TLN2: variants seen among roughly 807,000 people sequenced by gnomAD.
TLN2 encodes the protein talin 2, also known as talin-2.
A neutral mutation model predicts 294.7 loss-of-function variants in TLN2; 118 were observed. That is an observed-to-expected ratio of 0.40 (90% CI 0.34 to 0.47). The LOEUF is 0.47. Ranked by LOEUF, TLN2 falls within the 20% of genes least tolerant of loss-of-function variation. The pLI, the probability that TLN2 is intolerant of heterozygous loss-of-function variation, is 0.84. For synonymous variants in TLN2, 1,431 were observed against 1,304.5 expected, an observed-to-expected ratio of 1.10 and a Z score of -2.09; for missense variants, 3,083 against 3,282.2, an observed-to-expected ratio of 0.94 and a Z score of 1.48.
chr15:62,464,748 G>A (rs916600063), intron 1 of TLN2, among the ~76,000 whole-genome samples: 5 of 151,910 alleles, frequency 3.3e-5, no homozygotes, highest in African/African-American at 4.8e-5. Flanking sequence ...GCCAGCTATC[G>A]GGCATTCTTG....
chr15:62,696,851 A>T lies in TLN2; in HGVS notation c.1293-837A>T, dbSNP rs112811723. On this transcript the variant is annotated intron_variant, in intron 14 of 58. Transcript: ENST00000636159. Reference sequence around the variant, plus strand: ...AGGCGATGAAACATCCTCTGTGGTCAATGGTGGTGGACCTGAGGACCCGAG... The same window carrying T: ...AGGCGATGAAACATCCTCTGTGGTCTATGGTGGTGGACCTGAGGACCCGAG... Among the ~76,000 whole-genome samples the T allele has an allele frequency of 2.0e-5, 3 of 152,326 alleles. 1 individual carries two copies. The highest frequency in any genetic ancestry group is 7.2e-5 in the African/African-American group (3 of 41,572).
chr15:62,698,872 A>T lies in TLN2; in HGVS notation c.1587+5A>T, dbSNP rs1468894959. ...CCACCTCTCGGCCAGGATATGGTAA[A>T]TACTGTTCAGTGGTTTTCATGCCAA... On this transcript the variant is annotated splice_donor_5th_base_variant and intron_variant, in intron 16 of 58. Transcript: ENST00000636159. 6.2e-7 allele frequency: 1 copy of T among 1,611,294 alleles called. No homozygotes were observed.
intron 25 of TLN2, among the ~76,000 whole-genome samples, chr15:62,721,501 TATTC>T (rs1287657358): frequency 3.3e-5 from 5 of 152,112 alleles, no homozygotes; most frequent in African/African-American, 1.2e-4. Context: ...CTTTTATAAA[TATTC>T]ATTAATTCTT....
In TLN2 at chr15:62,712,043, C is replaced by G. The variant is rs2059459867; in HGVS notation, c.2600C>G (p.Ala867Gly). 6.2e-7 allele frequency: 1 copy of G among 1,614,174 alleles called. No homozygotes were observed. The highest frequency in any genetic ancestry group is 8.5e-7 in the Non-Finnish European group (1 of 1,180,024). ...KKLLAAAKLL[A>G]DSTARMVEAA... The stretch of plus-strand genomic sequence containing the variant: ...CTCCTGGCAGCAGCAAAACTCTTAG[C>G]TGACTCCACTGCTCGCATGGTGGAA... Residue 867 changes from alanine (A) to glycine (G), a missense_variant, in exon 22 of 59, where the codon GCT becomes GGT. Ala to Gly is a moderately conservative substitution (Grantham distance 60, BLOSUM62 0). Coordinates refer to ENST00000636159, the MANE Select transcript of TLN2 (RefSeq NM_015059.3).
At chr15:62,559,313 A>G (rs905786745) in intron 1 of TLN2, among the ~76,000 whole-genome samples, 1 of 152,182 alleles carries the variant, frequency 6.6e-6, no homozygotes, top group African/African-American at 2.4e-5. Flanking sequence ...CTACAATCTA[A>G]GTAACTGAGG....
intron 57 of TLN2, among the ~76,000 whole-genome samples, chr15:62,837,107 A>G (rs555073519): frequency 2.0e-5 from 3 of 152,354 alleles, no homozygotes; most frequent in South Asian, 2.1e-4. Context: ...GTATGTTTAC[A>G]TCAGTCATGT....
At chr15:62,464,362 G>T (rs1317341887) in intron 1 of TLN2, among the ~76,000 whole-genome samples, 3 of 152,130 alleles carry the variant, frequency 2.0e-5, no homozygotes, top group African/African-American at 7.2e-5. Context: ...TCATAGGTGG[G>T]AATTGAACAA....
intron 26 of TLN2, among the ~76,000 whole-genome samples, chr15:62,724,752 C>T (rs1347260015): frequency 2.6e-5 from 4 of 152,128 alleles, no homozygotes; most frequent in Non-Finnish European, 4.4e-5. Flanking sequence ...CTTACTATAT[C>T]CAGTTATGAG....
intron 3 of TLN2, among the ~76,000 whole-genome samples, chr15:62,635,270 T>C (rs1435165343): frequency 6.6e-6 from 1 of 152,138 alleles, no homozygotes; most frequent in East Asian, 1.9e-4. Flanking sequence ...AAGAAAATAA[T>C]CTGAAATAAA....
chr15:62,397,819 C>G (rs896344678), intron 1 of TLN2, among the ~76,000 whole-genome samples: 1 of 152,136 alleles, frequency 6.6e-6, no homozygotes, highest in African/African-American at 2.4e-5. Flanking sequence ...CCAGAAGAGT[C>G]TTATCCTGTG....
At chr15:62,518,570 CG>C (rs142219056) in intron 1 of TLN2, among the ~76,000 whole-genome samples, 2,935 of 152,022 alleles carry the variant, frequency 0.019, 94 homozygotes, top group African/African-American at 0.067. Flanking sequence ...ATATGGTGAA[CG>C]GTGGAGAGCC....
At position 62,779,036 on chromosome 15, in the gene TLN2, A is replaced by G. The variant is rs142269062; in HGVS notation, c.5515-2104A>G. Among the ~76,000 whole-genome samples, 3 of 152,378 alleles carry G rather than the reference A, an allele frequency of 2.0e-5. No individual in the cohort carries two copies. The East Asian group carries it at 5.8e-4, about 29-fold the overall frequency. ...TTGGTTAAAACTCTGAGATACTATT[A>G]GACTCACTGTCTGAAATTCTCAAAG... On this transcript the variant is annotated intron_variant, in intron 43 of 58. Coordinates refer to ENST00000636159, the MANE Select transcript of TLN2 (RefSeq NM_015059.3).
chr15:62,792,744 C>T lies in TLN2; in HGVS notation c.5840C>T (p.Thr1947Ile). 6.2e-7 allele frequency: 1 copy of T among 1,614,094 alleles called. No individual in the cohort carries two copies. The highest frequency in any genetic ancestry group is 8.5e-7 in the Non-Finnish European group (1 of 1,180,042). ...CAGGTCTGCCCCACAGACAGCTACA[C>T]CAAGAGGGAGCTGATCGAATGCGCC... Reference protein sequence around the residue: ...ALQVCPTDSYTKRELIECARA... With the variant: ...ALQVCPTDSYIKRELIECARA... The change falls in exon 46 of 59, where the codon ACC (threonine) becomes ATC (isoleucine). Residue 1947 changes from threonine (T) to isoleucine (I), a missense_variant. Transcript: ENST00000636159.
At chr15:62,459,299 CTTTTTTTTTTT>C (rs35344244) in intron 1 of TLN2, among the ~76,000 whole-genome samples, 1 of 130,550 alleles carries the variant, frequency 7.7e-6, no homozygotes, top group Non-Finnish European at 1.6e-5. Context: ...CACGCTCGGC[CTTTTTTTTTTT>C]TTTTTTTTTA....
At chr15:62,494,946 A>C (rs1191994012) in intron 1 of TLN2, among the ~76,000 whole-genome samples, 1 of 152,094 alleles carries the variant, frequency 6.6e-6, no homozygotes. Context: ...CTGTTCCCGG[A>C]ACACTGTTTG....
rs576809228 is a variant in TLN2, at chr15:62,416,678, G to A, written c.-238+25993G>A. On this transcript the variant is annotated intron_variant, in intron 1 of 58. Coordinates refer to ENST00000636159, the MANE Select transcript of TLN2 (RefSeq NM_015059.3). Reference sequence around the variant, plus strand: ...TCAAAGAGATGACTCTCAAGCCATTGCGAGAGAGGCTTATTTAGCATTTGG... The same window carrying A: ...TCAAAGAGATGACTCTCAAGCCATTACGAGAGAGGCTTATTTAGCATTTGG... Among the ~76,000 whole-genome samples the A allele has an allele frequency of 7.2e-5, 11 of 152,276 alleles. No individual in the cohort carries two copies. The East Asian group carries it at 1.9e-3, about 27-fold the overall frequency.
intron 1 of TLN2, among the ~76,000 whole-genome samples, chr15:62,407,148 T>A (rs1035565875): frequency 6.6e-6 from 1 of 152,116 alleles, no homozygotes. Flanking sequence ...GTTCCCTTAA[T>A]TGTGGAATTC....
chr15:62,818,055 C>T (rs1275733177), intron 52 of TLN2, among the ~76,000 whole-genome samples: 1 of 152,066 alleles, frequency 6.6e-6, no homozygotes, highest in Non-Finnish European at 1.5e-5. Context: ...GATGATCTAC[C>T]CGCCCGAGCC....
chr15:62,563,957 C>T lies in TLN2; in HGVS notation c.-237-25730C>T, dbSNP rs148618824. Among the ~76,000 whole-genome samples, 277 of 152,310 alleles carry T rather than the reference C, an allele frequency of 1.8e-3. 3 individuals are homozygous for T. Among genetic ancestry groups the T allele is most frequent in the African/African-American group, 6.5e-3 (269 of 41,560 alleles). On this transcript the variant is annotated intron_variant, in intron 1 of 58. Transcript: ENST00000636159. ...CAGGAAGGGAGACCTGACCTTACTCCTTTTGGTATTGCCCAGCATATAGCC... is the reference window on the plus strand; with the variant it reads ...CAGGAAGGGAGACCTGACCTTACTCTTTTTGGTATTGCCCAGCATATAGCC...
Sources: allele counts gnomAD v4.1 joint callset (sites outside exome capture counted in the v4.1 genomes callset), GRCh38; gene constraint gnomAD v4.1.1; transcripts MANE v1.5; gene names NCBI Gene and HGNC (gene_info 2026-07-23, HGNC 2026-07-21).